Variants in SDK1 observed in about 807,000 individuals in gnomAD.
The protein encoded by SDK1 is protein sidekick-1.
A neutral mutation model predicts 245.5 loss-of-function variants in SDK1; 157 were observed. The observed-to-expected ratio is 0.64, with a 90% CI of 0.56 to 0.73. SDK1 has a LOEUF of 0.73. Ranked by LOEUF, SDK1 falls within the 30% of genes least tolerant of loss-of-function variation. The pLI is 0.00. For missense variants in SDK1, 3,583 were observed against 3,002.3 expected (o/e 1.19, Z -4.52); for synonymous variants, 1,647 against 1,278.5 (o/e 1.29, Z -6.15).
chr7:3,332,525 A>G (rs1381482108), intron 1 of SDK1, among the ~76,000 whole-genome samples: 2 of 152,206 alleles, frequency 1.3e-5, no homozygotes, highest in African/African-American at 2.4e-5. Flanking sequence ...TTATAAAGGC[A>G]TGATAATGGA....
chr7:3,974,609 G>T, intron 13 of SDK1, 64 bp downstream of exon 13: 1 of 1,500,992 alleles, frequency 6.7e-7, no homozygotes, highest in Non-Finnish European at 9.2e-7. Flanking sequence ...GCCCCTGTTA[G>T]TGACTGCCAC....
At chr7:4,081,155 C>G (rs1044246630) in intron 22 of SDK1, among the ~76,000 whole-genome samples, 8 of 152,208 alleles carry the variant, frequency 5.3e-5, no homozygotes, top group African/African-American at 9.6e-5. Flanking sequence ...GCTAGGCAGG[C>G]CACAGCGACA....
At chr7:3,717,114 A>G (rs539252906) in intron 4 of SDK1, among the ~76,000 whole-genome samples, 1 of 152,222 alleles carries the variant, frequency 6.6e-6, no homozygotes, top group East Asian at 1.9e-4. Flanking sequence ...AAGGAGTGGA[A>G]TGAGGATACA....
chr7:3,828,394 G>T (rs1426669823), intron 5 of SDK1, among the ~76,000 whole-genome samples: 2 of 151,846 alleles, frequency 1.3e-5, no homozygotes, highest in African/African-American at 2.4e-5. Flanking sequence ...ATTTTCATCT[G>T]TTGCTTTATA....
intron 1 of SDK1, among the ~76,000 whole-genome samples, chr7:3,514,833 G>A (rs548823590): frequency 6.6e-6 from 1 of 152,304 alleles, no homozygotes; most frequent in African/African-American, 2.4e-5. Context: ...TGGATATTGG[G>A]CAGTGTAACA....
chr7:3,680,806 C>G (rs771862411), intron 4 of SDK1, among the ~76,000 whole-genome samples: 1 of 152,054 alleles, frequency 6.6e-6, no homozygotes, highest in Non-Finnish European at 1.5e-5. Flanking sequence ...CTGACTTATG[C>G]GTTAGCCACT....
At chr7:3,951,125 C>A in intron 6 of SDK1, 91 bp downstream of exon 6, 2 of 980,686 alleles carry the variant, frequency 2.0e-6, no homozygotes, top group Non-Finnish European at 1.6e-6. Flanking sequence ...GCATGAGGTT[C>A]AGCCTTCTAG....
chr7:4,181,316 T>A (rs1782590540), intron 35 of SDK1, among the ~76,000 whole-genome samples: 1 of 152,224 alleles, frequency 6.6e-6, no homozygotes, highest in Non-Finnish European at 1.5e-5. Flanking sequence ...TTGCATGCAT[T>A]TACCGCATCT....
intron 3 of SDK1, among the ~76,000 whole-genome samples, chr7:3,639,885 T>C (rs984907427): frequency 1.3e-5 from 2 of 152,104 alleles, no homozygotes; most frequent in African/African-American, 4.8e-5. Flanking sequence ...GGTCTATCTC[T>C]GTCTCTCAGG....
intron 1 of SDK1, among the ~76,000 whole-genome samples, chr7:3,344,970 G>T (rs1416768830): frequency 6.6e-6 from 1 of 152,186 alleles, no homozygotes; most frequent in Non-Finnish European, 1.5e-5. Flanking sequence ...GTGCTTTGGG[G>T]ACAACTTATG....
intron 1 of SDK1, among the ~76,000 whole-genome samples, chr7:3,480,327 C>T (rs919822835): frequency 7.2e-5 from 11 of 152,206 alleles, no homozygotes; most frequent in African/African-American, 2.7e-4. Flanking sequence ...GCCGCGAGGC[C>T]ATGAAGAAGG....
chr7:3,922,366 A>G (rs1238575960), intron 5 of SDK1, among the ~76,000 whole-genome samples: 1 of 152,204 alleles, frequency 6.6e-6, no homozygotes, highest in Admixed American at 6.5e-5. Context: ...CTGACGTCAT[A>G]TTGGGAGCTT....
intron 4 of SDK1, among the ~76,000 whole-genome samples, chr7:3,806,303 GA>G (rs1779242904): frequency 2.2e-5 from 3 of 138,040 alleles, no homozygotes; most frequent in African/African-American, 9.8e-5. Context: ...TCCACATTAG[GA>G]TGTGGATGTC....
chr7:3,475,732 C>A lies in SDK1; in HGVS notation c.299-143348C>A, dbSNP rs578031651. On this transcript the variant is annotated intron_variant, in intron 1 of 44. Coordinates refer to ENST00000404826, the MANE Select transcript of SDK1 (RefSeq NM_152744.4). ...AACTCTCAAGTCAAGATTTATGAAT[C>A]ATTGACTCAAAAGAATGAAGTATAT... is the stretch of plus-strand genomic sequence containing the variant. Among the ~76,000 whole-genome samples the A allele has an allele frequency of 2.6e-5, 4 of 152,206 alleles. No individual in the cohort carries two copies. In the South Asian group the frequency reaches 8.3e-4, roughly 32 times the overall value.
chr7:4,093,553 A>G (rs1197345764), intron 22 of SDK1, among the ~76,000 whole-genome samples: 1 of 150,152 alleles, frequency 6.7e-6, no homozygotes, highest in African/African-American at 2.4e-5. Flanking sequence ...AGAAAGTGTT[A>G]TGGGCTAATA....
At chr7:4,227,254 G>A in intron 40 of SDK1, 2 of 403,196 alleles carry the variant, frequency 5.0e-6, no homozygotes, top group Non-Finnish European at 5.1e-6. Flanking sequence ...CCCCTCATGT[G>A]CTGCTTGTCT....
At chr7:4,241,958 G>A in intron 43 of SDK1, 45 bp downstream of exon 43, 2 of 1,601,584 alleles carry the variant, frequency 1.2e-6, no homozygotes, top group Non-Finnish European at 1.7e-6. Flanking sequence ...GATCTGAGCT[G>A]CCAGGGCTGG....
intron 1 of SDK1, among the ~76,000 whole-genome samples, chr7:3,584,656 G>C (rs1229569534): frequency 6.6e-6 from 1 of 152,140 alleles, no homozygotes. Flanking sequence ...GTGCTTGGGC[G>C]TGTCCGCTGA....
chr7:3,531,307 G>A (rs756471497), intron 1 of SDK1, among the ~76,000 whole-genome samples: 1 of 151,844 alleles, frequency 6.6e-6, no homozygotes, highest in African/African-American at 2.4e-5. Context: ...ATTTACCCTT[G>A]GTTTTGTATT....
Sources: allele counts gnomAD v4.1 joint callset (sites outside exome capture counted in the v4.1 genomes callset), GRCh38; gene constraint gnomAD v4.1.1; transcripts MANE v1.5; gene names NCBI Gene and HGNC (gene_info 2026-07-23, HGNC 2026-07-21).